Variants in PFKFB3 observed in about 807,000 individuals in gnomAD.
The protein encoded by PFKFB3 is 6-phosphofructo-2-kinase/fructose-2,6-biphosphatase 3, also known as 6-phosphofructo-2-kinase/fructose-2,6-bisphosphatase 3.
A neutral mutation model predicts 68.0 loss-of-function variants in PFKFB3; 33 were observed. That is an observed-to-expected ratio of 0.49 (90% CI 0.37 to 0.65). PFKFB3 has a LOEUF of 0.65. Ranked by LOEUF, PFKFB3 falls within the 30% of genes least tolerant of loss-of-function variation. The pLI is 0.00. For synonymous variants in PFKFB3, 315 were observed against 288.2 expected (o/e 1.09, Z -0.94); for missense variants, 586 against 712.2 (o/e 0.82, Z 2.02).
chr10:6,203,419 C>G, intron 1 of PFKFB3, 83 bp downstream of exon 1: 3 of 1,015,804 alleles, frequency 3.0e-6, no homozygotes, highest in Non-Finnish European at 4.0e-6. Flanking sequence ...GTGCCGACGC[C>G]CCTCTGCGGG....
chr10:6,283,817 C>T, the PFKFB3 span, among the ~76,000 whole-genome samples: 1 of 152,110 alleles, frequency 6.6e-6, no homozygotes. Flanking sequence ...AATTAAGGAG[C>T]GAACACTGCA....
chr10:6,319,939 C>T, the PFKFB3 span, among the ~76,000 whole-genome samples: 4 of 152,308 alleles, frequency 2.6e-5, no homozygotes, highest in African/African-American at 9.6e-5. Flanking sequence ...TGGCACATGT[C>T]TGTAATCCTA....
the PFKFB3 span, among the ~76,000 whole-genome samples, chr10:6,315,090 C>T: frequency 6.6e-6 from 1 of 152,212 alleles, no homozygotes; most frequent in East Asian, 1.9e-4. Flanking sequence ...CCAGACCCAG[C>T]CCACCTGCCC....
At chr10:6,254,808 C>CTTTT (rs144888417), downstream of PFKFB3, among the ~76,000 whole-genome samples, 515 of 61,624 alleles carry the variant, frequency 8.4e-3, 146 homozygotes, top group African/African-American at 0.012. Flanking sequence ...TTTTTCTGTT[C>CTTTT]TTTTTTTTTT....
At chr10:6,190,042 C>G (rs1475698717) in intron 1 of PFKFB3, among the ~76,000 whole-genome samples, 1 of 151,874 alleles carries the variant, frequency 6.6e-6, no homozygotes, top group Non-Finnish European at 1.5e-5. Context: ...CTTCCGGGTT[C>G]AAGTGATTCT....
the PFKFB3 span, among the ~76,000 whole-genome samples, chr10:6,316,167 C>G: frequency 6.6e-6 from 1 of 152,188 alleles, no homozygotes; most frequent in African/African-American, 2.4e-5. Context: ...TAGACGTAGA[C>G]ACCCACCTTG....
chr10:6,220,758 A>G lies in PFKFB3; in HGVS notation c.724A>G (p.Ile242Val). 1.9e-6 allele frequency: 3 copies of G among 1,613,842 alleles called. No individual in the cohort carries two copies. The highest frequency in any genetic ancestry group is 2.2e-5 in the South Asian group (2 of 91,074). The change falls in exon 8 of 15, where the codon ATC becomes GTC. Residue 242 changes from isoleucine (I) to valine (V), a missense_variant. Ile to Val is a conservative substitution (Grantham distance 29). Coordinates refer to ENST00000379775, the MANE Select transcript of PFKFB3 (RefSeq NM_004566.4). The surrounding 1 kb of genome is among the most constrained non-coding windows in gnomAD (Gnocchi z 4.1). ...QSRIVYYLMN[I>V]HVQPRTIYLC... ...CCGCATCGTGTACTACCTGATGAACATCCACGTGCAGCCGCGTACCATCTA... is the reference window on the plus strand; with the variant it reads ...CCGCATCGTGTACTACCTGATGAACGTCCACGTGCAGCCGCGTACCATCTA...
chr10:6,269,100 T>C, the PFKFB3 span, among the ~76,000 whole-genome samples: 1 of 151,786 alleles, frequency 6.6e-6, no homozygotes, highest in East Asian at 1.9e-4. Flanking sequence ...TATGTAGAAA[T>C]GACAATTGCT....
Position 6,177,438 on chromosome 10 carries a change from C to CTTTTCTTTCTTTCTTTCTTTCTT in PFKFB3, c.16+32426_16+32427insTTTCTTTCTTTCTTTCTTTCTTT, listed in dbSNP as rs1554842946. ...TTCTCTTTCTTCCTTTCTTTTCTTT[C>CTTTTCTTTCTTTCTTTCTTTCTT]TCTTTCTTTCTTTCTTTCTTTCTTT... On this transcript the variant is annotated intron_variant, in intron 1 of 14. Coordinates refer to the PFKFB3 transcript ENST00000379789. Among the ~76,000 whole-genome samples, 12 of 86,630 alleles carry CTTTTCTTTCTTTCTTTCTTTCTT rather than the reference C, an allele frequency of 1.4e-4. 1 individual carries two copies. Among genetic ancestry groups the CTTTTCTTTCTTTCTTTCTTTCTT allele is most frequent in the Admixed American group, 1.2e-3 (8 of 6,820 alleles). 56.8% of individuals were successfully genotyped at this position (86,630 alleles called of 152,430 possible). A position where few individuals can be genotyped will look rare whatever the true frequency, so the allele number is the denominator to read the frequency against.
the PFKFB3 span, among the ~76,000 whole-genome samples, chr10:6,319,530 G>T: frequency 9.2e-5 from 14 of 152,114 alleles, no homozygotes; most frequent in Non-Finnish European, 1.6e-4. Flanking sequence ...TGAGGGATGA[G>T]AAATTATCTA....
rs1845519214 is a variant in PFKFB3, at chr10:6,228,654, C to T, written c.1515+2289C>T. On this transcript the variant is annotated intron_variant, in intron 14 of 14. Coordinates refer to ENST00000379775, the MANE Select transcript of PFKFB3 (RefSeq NM_004566.4). The surrounding 1 kb of genome is among the most constrained non-coding windows in gnomAD (Gnocchi z 4.5). ...CTTTGTTTTGGAAGGAAAACTTACT[C>T]AGAGCCTAATCTGTAAACCAAACCT... 1.3e-5 allele frequency among the ~76,000 whole-genome samples: 2 copies of T among 150,932 alleles called. No individual in the cohort carries two copies. The highest frequency in any genetic ancestry group is 4.2e-4 in the South Asian group (2 of 4,740).
At chr10:6,195,185 C>T (rs1843144502) in intron 1 of PFKFB3, among the ~76,000 whole-genome samples, 1 of 152,156 alleles carries the variant, frequency 6.6e-6, no homozygotes, top group East Asian at 1.9e-4. Flanking sequence ...GTTCCTTTTT[C>T]ATCCACGCTT....
At chr10:6,151,619 C>T (rs773208333) in intron 1 of PFKFB3, among the ~76,000 whole-genome samples, 2 of 152,136 alleles carry the variant, frequency 1.3e-5, no homozygotes, top group Non-Finnish European at 2.9e-5. Flanking sequence ...TGGAAGTCCT[C>T]TCCTGAGGCT....
chr10:6,307,885 A>G, the PFKFB3 span, among the ~76,000 whole-genome samples: 2 of 152,108 alleles, frequency 1.3e-5, no homozygotes, highest in Non-Finnish European at 2.9e-5. Context: ...TCATGAATGG[A>G]TTAATGCCAT....
At chr10:6,173,589 T>C (rs74530981) in intron 1 of PFKFB3, among the ~76,000 whole-genome samples, 1,646 of 152,038 alleles carry the variant, frequency 0.011, 70 homozygotes, top group East Asian at 0.1. Context: ...AATAAATGCT[T>C]GGAGAACAGC....
Position 6,170,619 on chromosome 10 carries a change from G to T in PFKFB3, c.16+25606G>T, listed in dbSNP as rs76835489. Among the ~76,000 whole-genome samples, 399 of 152,336 alleles carry T rather than the reference G, an allele frequency of 2.6e-3. 2 individuals are homozygous for T. The highest frequency in any genetic ancestry group is 9.4e-3 in the African/African-American group (389 of 41,572). On this transcript the variant is annotated intron_variant, in intron 1 of 14. Coordinates refer to the PFKFB3 transcript ENST00000379789. ...TCCATGGGGTCATTGAGGTGCAAAT[G>T]GAAAGACCAGGAGCAAAAGTAGAGG...
At chr10:6,178,501 C>T (rs1416310554) in intron 1 of PFKFB3, among the ~76,000 whole-genome samples, 1 of 152,138 alleles carries the variant, frequency 6.6e-6, no homozygotes, top group Admixed American at 6.5e-5. Flanking sequence ...AGGCCTGGCT[C>T]AGAGGGGACT....
downstream of PFKFB3, among the ~76,000 whole-genome samples, chr10:6,239,583 A>C (rs529305692): frequency 3.7e-4 from 56 of 152,330 alleles, 1 homozygote; most frequent in Non-Finnish European, 6.6e-4. Context: ...TGGGGACCAG[A>C]TGTCCATTCT....
intron 14 of PFKFB3, among the ~76,000 whole-genome samples, chr10:6,244,504 A>G (rs1220895637): frequency 1.3e-5 from 2 of 152,182 alleles, no homozygotes; most frequent in African/African-American, 2.4e-5. Context: ...CAGCATCCAG[A>G]AAAGCTGTAT....
Sources: allele counts gnomAD v4.1 joint callset (sites outside exome capture counted in the v4.1 genomes callset), GRCh38; gene constraint gnomAD v4.1.1; non-coding constraint Gnocchi (gnomAD v3.1); transcripts MANE v1.5; gene names NCBI Gene and HGNC (gene_info 2026-07-23, HGNC 2026-07-21).